PTPRG: variants seen among roughly 807,000 people sequenced by gnomAD.
The protein encoded by PTPRG is receptor-type tyrosine-protein phosphatase gamma.
Under a neutral mutation model 165.3 loss-of-function variants are expected in PTPRG, and 102 were observed. The ratio of observed to expected loss-of-function variants is 0.62; its 90% CI spans 0.53 to 0.73. The LOEUF is 0.73. Among genes scored for constraint, PTPRG ranks in the 30% least tolerant of loss-of-function variants. The pLI, the probability that PTPRG is intolerant of heterozygous loss-of-function variation, is 0.00. For synonymous variants in PTPRG, 675 were observed against 669.5 expected, an observed-to-expected ratio of 1.01 and a Z score of -0.13; for missense variants, 1,866 against 1,861.4, an observed-to-expected ratio of 1.00 and a Z score of -0.05.
intron 1 of PTPRG, among the ~76,000 whole-genome samples, chr3:61,690,150 A>G (rs1575591441): frequency 6.6e-6 from 1 of 152,296 alleles, no homozygotes; most frequent in South Asian, 2.1e-4. Context: ...GCAACCGACA[A>G]TGGACTTTAC....
At chr3:61,678,077 A>G (rs902082944) in intron 1 of PTPRG, among the ~76,000 whole-genome samples, 15 of 152,280 alleles carry the variant, frequency 9.9e-5, no homozygotes, top group African/African-American at 3.6e-4. Context: ...ATCATTAGAC[A>G]AACAGTGCCG....
At chr3:61,722,323 C>G (rs948125985) in intron 1 of PTPRG, among the ~76,000 whole-genome samples, 2 of 152,132 alleles carry the variant, frequency 1.3e-5, no homozygotes, top group African/African-American at 4.8e-5. Context: ...CTGATGCCCC[C>G]GTGGGCCAAA....
At chr3:61,814,957 C>T (rs2035709433) in intron 2 of PTPRG, among the ~76,000 whole-genome samples, 2 of 151,952 alleles carry the variant, frequency 1.3e-5, no homozygotes, top group Non-Finnish European at 1.5e-5. Flanking sequence ...GTGGTAGAGA[C>T]AGGATTTAAA....
intron 1 of PTPRG, among the ~76,000 whole-genome samples, chr3:61,726,771 G>A (rs1037611559): frequency 6.6e-6 from 1 of 152,310 alleles, no homozygotes; most frequent in East Asian, 1.9e-4. Context: ...GAATTGGCCG[G>A]GTGCGGTGGC....
intron 5 of PTPRG, among the ~76,000 whole-genome samples, chr3:62,090,837 T>A (rs1479708921): frequency 6.6e-6 from 1 of 152,194 alleles, no homozygotes; most frequent in East Asian, 1.9e-4. Flanking sequence ...GAAATCCATG[T>A]CTGAGGTGTT....
chr3:62,200,647 T>C (rs1700076431), intron 10 of PTPRG, among the ~76,000 whole-genome samples: 2 of 152,322 alleles, frequency 1.3e-5, no homozygotes, highest in African/African-American at 2.4e-5. Flanking sequence ...CTAAGTTATA[T>C]TGTTTAATGA....
At chr3:61,610,102 G>C (rs1387611035) in intron 1 of PTPRG, among the ~76,000 whole-genome samples, 2 of 150,474 alleles carry the variant, frequency 1.3e-5, no homozygotes, top group Non-Finnish European at 2.9e-5. Context: ...TTGAATCCCA[G>C]CATGGCTACC....
At chr3:61,682,261 T>G (rs1223500707) in intron 1 of PTPRG, among the ~76,000 whole-genome samples, 1 of 152,182 alleles carries the variant, frequency 6.6e-6, no homozygotes, top group African/African-American at 2.4e-5. Flanking sequence ...TTAAATTCTC[T>G]GAATTTGATA....
At chr3:62,265,545 C>G (rs1701835946) in intron 17 of PTPRG, among the ~76,000 whole-genome samples, 1 of 152,018 alleles carries the variant, frequency 6.6e-6, no homozygotes, top group South Asian at 2.1e-4. Flanking sequence ...CCTCTATAAA[C>G]AAAGGTAGTT....
At chr3:62,180,207 T>G (rs962326463) in intron 8 of PTPRG, among the ~76,000 whole-genome samples, 2 of 152,240 alleles carry the variant, frequency 1.3e-5, no homozygotes, top group Non-Finnish European at 2.9e-5. Context: ...ACGTGGCTGT[T>G]GGGATCACTA....
chr3:61,817,085 A>AT (rs2035797436), intron 2 of PTPRG, among the ~76,000 whole-genome samples: 1 of 132,736 alleles, frequency 7.5e-6, no homozygotes, highest in Non-Finnish European at 1.6e-5. Flanking sequence ...TATATATAAT[A>AT]TATATTACAT....
Position 62,218,928 on chromosome 3 carries a change from T to C in PTPRG, c.2233T>C (p.Ser745Pro). 6.2e-7 allele frequency: 1 copy of C among 1,614,204 alleles called. No individual in the cohort carries two copies. Among genetic ancestry groups the C allele is most frequent in the South Asian group, 1.1e-5 (1 of 91,074 alleles). Residue 745 changes from serine to proline, a missense_variant, in exon 13 of 30, where the codon TCA becomes CCA. Around this residue, in one of 3 missense-constraint regions of PTPRG, gnomAD observed 1,452 missense variants for 1,463.0 expected, o/e 0.99. Transcript: ENST00000474889. The stretch of plus-strand genomic sequence containing the variant: ...GTGGATCATCCCTCTGATTGTGGTA[T>C]CAGCCTTGACCTTCGTGTGCCTCAT... ...MEWIIPLIVV[S>P]ALTFVCLILL... is the part of the protein sequence containing the mutation.
At chr3:62,080,269 T>G (rs899417482) in intron 5 of PTPRG, among the ~76,000 whole-genome samples, 2 of 149,276 alleles carry the variant, frequency 1.3e-5, no homozygotes, top group Non-Finnish European at 3.0e-5. Context: ...AGAGGCAGGG[T>G]TTCTCCATGT....
In PTPRG at chr3:62,203,746, G is replaced by T. The variant is rs761975908; in HGVS notation, c.1951G>T (p.Val651Phe). 2 of 1,604,084 alleles carry T rather than the reference G, an allele frequency of 1.2e-6. No individual in the cohort carries two copies. The highest frequency in any genetic ancestry group is 2.2e-5 in the East Asian group (1 of 44,584). The part of the protein sequence containing the change: ...IPGHEQDHTA[V>F]PTDQTGGRRD... ...TGGGCATGAGCAGGATCACACTGCC[G>T]TCCCCACAGACCAGACGGGCGGAAG... Residue 651 changes from valine (V) to phenylalanine (F), a missense_variant, in exon 12 of 30, where the codon GTC (valine) becomes TTC (phenylalanine). Physicochemically the swap from Val to Phe is conservative, Grantham distance 50. Transcript: ENST00000474889. This position sits in a 1 kb window ranked among gnomAD's most constrained non-coding sequence, Gnocchi z 6.4.
intron 2 of PTPRG, among the ~76,000 whole-genome samples, chr3:61,767,445 T>C (rs939835342): frequency 6.6e-6 from 1 of 152,168 alleles, no homozygotes; most frequent in Non-Finnish European, 1.5e-5. Context: ...TTTAAATAAT[T>C]TGTCCACTGG....
At chr3:61,603,837 C>T (rs1029849133) in intron 1 of PTPRG, among the ~76,000 whole-genome samples, 1 of 152,170 alleles carries the variant, frequency 6.6e-6, no homozygotes, top group Non-Finnish European at 1.5e-5. Flanking sequence ...TTCACATGCT[C>T]ATCCTACCAT....
chr3:62,053,208 C>T (rs1700520213), intron 4 of PTPRG, among the ~76,000 whole-genome samples: 1 of 150,898 alleles, frequency 6.6e-6, no homozygotes, highest in Non-Finnish European at 1.5e-5. Flanking sequence ...TAATTGCTCT[C>T]CAAAGGAAAT....
At chr3:61,887,423 A>G (rs2038081927) in intron 2 of PTPRG, among the ~76,000 whole-genome samples, 2 of 152,006 alleles carry the variant, frequency 1.3e-5, no homozygotes, top group South Asian at 4.2e-4. Flanking sequence ...TCACTTAGAG[A>G]TTTCCCAGTG....
At chr3:62,098,114 C>T (rs1484789969) in intron 5 of PTPRG, among the ~76,000 whole-genome samples, 4 of 152,072 alleles carry the variant, frequency 2.6e-5, no homozygotes, top group Non-Finnish European at 4.4e-5. Context: ...TATCAATTTA[C>T]TCTTCTATAG....
Sources: gnomAD v4.1 joint callset for allele counts (sites outside exome capture counted in the v4.1 genomes callset) on GRCh38, gnomAD v4.1.1 for gene constraint, gnomAD v4.1.1 regional missense constraint, Gnocchi (gnomAD v3.1) non-coding constraint, MANE v1.5 for transcripts, NCBI Gene and HGNC (gene_info 2026-07-23, HGNC 2026-07-21) for gene names.